Variants in MMUT observed in about 807,000 individuals in gnomAD.
MMUT encodes the protein methylmalonyl-CoA mutase.
A neutral mutation model predicts 79.9 loss-of-function variants in MMUT; 79 were observed. The observed-to-expected ratio is 0.99, with a 90% CI of 0.82 to 1.19. MMUT has a LOEUF of 1.19. Among genes scored for constraint, MMUT ranks in the 50% most tolerant of loss-of-function variants. MMUT has a pLI of 0.00. For synonymous variants in MMUT, 273 were observed against 295.7 expected (o/e 0.92, Z 0.79); for missense variants, 860 against 917.2 (o/e 0.94, Z 0.81).
Position 49,457,673 on chromosome 6 carries a change from A to G in MMUT, c.753+18T>C. Reference sequence around the variant, plus strand: ...TTCAAGGAACTATAGAAAAACCTATAATAACCACAAAGTATACCTTTGCTG... The same window carrying G: ...TTCAAGGAACTATAGAAAAACCTATGATAACCACAAAGTATACCTTTGCTG... On this transcript the variant is annotated intron_variant, in intron 3 of 12. Transcript: ENST00000274813. 1.3e-6 allele frequency: 2 copies of G among 1,599,544 alleles called. No individual in the cohort carries two copies. The highest frequency in any genetic ancestry group is 1.3e-5 in the African/African-American group (1 of 74,272).
chr6:49,460,684 G>A (rs1767820173), intron 1 of MMUT, among the ~76,000 whole-genome samples: 4 of 152,168 alleles, frequency 2.6e-5, no homozygotes, highest in Admixed American at 2.6e-4. Context: ...AAGATATTGA[G>A]ATGCAAACAT....
intron 10 of MMUT, among the ~76,000 whole-genome samples, chr6:49,440,905 G>A (rs1314519840): frequency 6.6e-6 from 1 of 152,144 alleles, no homozygotes; most frequent in Non-Finnish European, 1.5e-5. Flanking sequence ...TGGCTGCTTT[G>A]AATTGTCCAT....
At position 49,450,179 on chromosome 6, in the gene MMUT, C is replaced by T. The variant is rs547627166; in HGVS notation, c.1333-1252G>A. 6.7e-5 allele frequency among the ~76,000 whole-genome samples: 10 copies of T among 149,958 alleles called. 1 individual carries two copies. The highest frequency in any genetic ancestry group is 2.5e-4 in the African/African-American group (10 of 40,736). On this transcript the variant is annotated intron_variant, in intron 6 of 12. Transcript: ENST00000274813. Reference sequence around the variant, plus strand: ...TAGGGAGTCAAAAGTTGCAGTAAGCCGAGATCACGCCACTGCACTCCAGCC... The same window carrying T: ...TAGGGAGTCAAAAGTTGCAGTAAGCTGAGATCACGCCACTGCACTCCAGCC...
At chr6:49,440,138 T>A in intron 11 of MMUT, 68 bp downstream of exon 11, 1 of 1,578,924 alleles carries the variant, frequency 6.3e-7, no homozygotes, top group South Asian at 1.1e-5. Flanking sequence ...TGTCATCATT[T>A]TACTACATTT....
rs2127415238 is a variant in MMUT at position 49,441,991 on chromosome 6, T to G, written c.1677-20A>C. On this transcript the variant is annotated intron_variant, in intron 9 of 12. Transcript: ENST00000274813. ...GTACATCTGAAACATGAAATGGTGGTTCCATTAACTTCATTATTTTGTGAT... is the reference window on the plus strand; with the variant it reads ...GTACATCTGAAACATGAAATGGTGGGTCCATTAACTTCATTATTTTGTGAT... The G allele has an allele frequency of 6.3e-7, 1 of 1,597,990 alleles. No individual in the cohort carries two copies. Among genetic ancestry groups the G allele is most frequent in the Admixed American group, 1.7e-5 (1 of 59,838 alleles).
chr6:49,457,753 A>T lies in MMUT; in HGVS notation c.691T>A (p.Tyr231Asn), dbSNP rs864309736. Reference sequence around the variant, plus strand: ...ATGGATGGTTCTGGAGGAAAAATGTATGTATTTCGAACCATAAATTCCTTT... The same window carrying T: ...ATGGATGGTTCTGGAGGAAAAATGTTTGTATTTCGAACCATAAATTCCTTT... ...ILKEFMVRNT[Y>N]IFPPEPSMKI... Residue 231 changes from tyrosine to asparagine, a missense_variant, in exon 3 of 13, where the codon TAC becomes AAC. Physicochemically the swap from Tyr to Asn is moderately radical, Grantham distance 143. Transcript: ENST00000274813. 3 of 1,611,784 alleles carry T rather than the reference A, an allele frequency of 1.9e-6. No individual in the cohort carries two copies. The highest frequency in any genetic ancestry group is 2.5e-6 in the Non-Finnish European group (3 of 1,178,426).
At chr6:49,461,442 T>G (rs145713516) in intron 1 of MMUT, among the ~76,000 whole-genome samples, 50 of 152,206 alleles carry the variant, frequency 3.3e-4, no homozygotes, top group Admixed American at 1.2e-3. Context: ...TTCAACTATG[T>G]AAAAAGTACA....
intron 11 of MMUT, 128 bp downstream of exon 11, chr6:49,440,077 GT>G: frequency 8.0e-7 from 1 of 1,255,094 alleles, no homozygotes; most frequent in Non-Finnish European, 1.2e-6. Context: ...CATTTGCCAA[GT>G]CAGTGGCTAC....
At position 49,453,198 on chromosome 6, in the gene MMUT, C is replaced by T. The variant is rs556672825; in HGVS notation, c.1083+387G>A. Among the ~76,000 whole-genome samples the T allele has an allele frequency of 1.3e-4, 20 of 151,884 alleles. No homozygotes were observed. The South Asian group carries it at 4.0e-3, about 30-fold the overall frequency. ...CTGGGATTATAGGCATGCACCACCA[C>T]GCCCAACTAATTTTGTATTTTTAGT... is the stretch of plus-strand genomic sequence containing the variant. On this transcript the variant is annotated intron_variant, in intron 5 of 12. Coordinates refer to ENST00000274813, the MANE Select transcript of MMUT (RefSeq NM_000255.4).
Position 49,459,317 on chromosome 6 carries a change from C to T in MMUT, c.150G>A (p.Gln50=). 1 of 1,614,162 alleles carries T rather than the reference C, an allele frequency of 6.2e-7. No individual in the cohort carries two copies. Among genetic ancestry groups the T allele is most frequent in the East Asian group, 2.2e-5 (1 of 44,866 alleles). Residue 50 remains glutamine (Q), a synonymous_variant, in exon 2 of 13, where the codon CAG becomes CAA. Coordinates refer to ENST00000274813, the MANE Select transcript of MMUT (RefSeq NM_000255.4). ...HPEWAALAKK[Q]LKGKNPEDLI... ...GGTCTTCTGGGTTTTTGCCTTTCAG[C>T]TGCTTTTTAGCCAGGGCAGCCCATT...
intron 9 of MMUT, among the ~76,000 whole-genome samples, chr6:49,442,407 A>G (rs900004012): frequency 2.0e-5 from 3 of 152,112 alleles, no homozygotes; most frequent in African/African-American, 7.2e-5. Context: ...AGATATTACT[A>G]TATCTCTATA....
intron 1 of MMUT, among the ~76,000 whole-genome samples, chr6:49,460,361 T>C (rs1767809081): frequency 6.6e-6 from 1 of 152,192 alleles, no homozygotes; most frequent in African/African-American, 2.4e-5. Context: ...TCAAAGTCCT[T>C]GCATTTAACT....
chr6:49,463,238 T>G lies in MMUT; in HGVS notation c.-175A>C, dbSNP rs867284706. The G allele has an allele frequency of 6.6e-6, 1 of 152,464 alleles. No individual in the cohort carries two copies. Among genetic ancestry groups the G allele is most frequent in the African/African-American group, 2.4e-5 (1 of 41,442 alleles). 9.4% of individuals were successfully genotyped at this position (152,464 alleles called of 1,614,324 possible). On this transcript the variant is annotated 5_prime_UTR_variant, in exon 1 of 13. Coordinates refer to ENST00000274813, the MANE Select transcript of MMUT (RefSeq NM_000255.4). ...CACACAAACCGCGCCACCGCCAGCGTCAGCCGGACGACTCTGGGGGCGTAG... is the reference window on the plus strand; with the variant it reads ...CACACAAACCGCGCCACCGCCAGCGGCAGCCGGACGACTCTGGGGGCGTAG...
intron 5 of MMUT, 37 bp from the exon 6 acceptor site, chr6:49,451,751 C>G (rs1413356951): frequency 6.3e-7 from 1 of 1,598,332 alleles, no homozygotes; most frequent in South Asian, 1.1e-5. Context: ...CTCAAAGAAA[C>G]AGGTGATAGA....
intron 5 of MMUT, among the ~76,000 whole-genome samples, chr6:49,452,936 G>T (rs1767589549): frequency 6.6e-6 from 1 of 151,470 alleles, no homozygotes; most frequent in Non-Finnish European, 1.5e-5. Context: ...TTTTAAATAG[G>T]CAGTTTTATG....
Position 49,460,661 on chromosome 6 carries a change from C to T in MMUT, c.-39-1156G>A, listed in dbSNP as rs58992444. On this transcript the variant is annotated intron_variant, in intron 1 of 12. Coordinates refer to ENST00000274813, the MANE Select transcript of MMUT (RefSeq NM_000255.4). ...AGTCATACAGCGTAAACATATAGAG[C>T]CCATTGTTTAAAAAGATATTGAGAT... Among the ~76,000 whole-genome samples, 839 of 152,224 alleles carry T rather than the reference C, an allele frequency of 5.5e-3. 6 individuals are homozygous for T. The highest frequency in any genetic ancestry group is 0.019 in the African/African-American group (799 of 41,528).
chr6:49,440,476 G>A (rs1193062520), intron 10 of MMUT, 123 bp from the exon 11 acceptor site: 1 of 1,053,696 alleles, frequency 9.5e-7, no homozygotes, highest in Non-Finnish European at 1.4e-6. Flanking sequence ...TTGTTTACTT[G>A]TATTTTGGGT....
In MMUT at chr6:49,430,947, G is replaced by C. The variant is rs992635137; in HGVS notation, c.*781C>G. The C allele has an allele frequency of 6.6e-6, 1 of 151,860 alleles. No homozygotes were observed. Among genetic ancestry groups the C allele is most frequent in the Non-Finnish European group, 1.5e-5 (1 of 67,974 alleles). The allele number at this position is 151,860 out of a possible 1,614,324, so 9.4% of individuals were successfully genotyped here. On this transcript the variant is annotated 3_prime_UTR_variant, in exon 13 of 13. Coordinates refer to ENST00000274813, the MANE Select transcript of MMUT (RefSeq NM_000255.4). The stretch of plus-strand genomic sequence containing the variant: ...GCAAGGTAGCATCTTTCTAGATCTG[G>C]AAAGTTGAATTCTTTCTATATCACA...
intron 1 of MMUT, among the ~76,000 whole-genome samples, chr6:49,461,625 TG>T (rs1389779828): frequency 6.6e-6 from 1 of 151,856 alleles, no homozygotes; most frequent in Non-Finnish European, 1.5e-5. Flanking sequence ...AAAAATTAGC[TG>T]GGCATGGTGG....
Sources: gnomAD v4.1 joint callset for allele counts (sites outside exome capture counted in the v4.1 genomes callset) on GRCh38, gnomAD v4.1.1 for gene constraint, MANE v1.5 for transcripts, NCBI Gene and HGNC (gene_info 2026-07-23, HGNC 2026-07-21) for gene names.